HOATZ: variants seen among roughly 807,000 people sequenced by gnomAD.
The protein encoded by HOATZ is HOATZ cilia and flagella associated protein.
HOATZ carries 26 observed loss-of-function variants against 24.9 expected under a neutral mutation model. The ratio of observed to expected loss-of-function variants is 1.04; its 90% CI spans 0.76 to 1.45. HOATZ has a LOEUF of 1.45. Among genes scored for constraint, HOATZ ranks in the 40% most tolerant of loss-of-function variants. The pLI, the probability that HOATZ is intolerant of heterozygous loss-of-function variation, is 0.00. For missense variants in HOATZ, 226 were observed against 201.5 expected (o/e 1.12, Z -0.74); for synonymous variants, 83 against 76.6 (o/e 1.08, Z -0.43).
At chr11:111,526,265 T>C (rs1477832710) in intron 3 of HOATZ, among the ~76,000 whole-genome samples, 3 of 152,148 alleles carry the variant, frequency 2.0e-5, no homozygotes, top group Admixed American at 6.5e-5. Context: ...AATTGGGGAA[T>C]GAGAATATCA....
chr11:111,532,704 G>T (rs1456048840), intron 3 of HOATZ, among the ~76,000 whole-genome samples: 1 of 152,198 alleles, frequency 6.6e-6, no homozygotes, highest in Non-Finnish European at 1.5e-5. Context: ...GTGGTACTTT[G>T]TTACAGCAGC....
intron 5 of HOATZ, 25 bp from the exon 6 acceptor site, chr11:111,536,745 A>G: frequency 6.3e-7 from 1 of 1,589,048 alleles, no homozygotes; most frequent in Non-Finnish European, 8.6e-7. Context: ...TGTGTATTGG[A>G]ACTGACTGAT....
In HOATZ at chr11:111,536,862, T is replaced by C. The variant is rs773973495; in HGVS notation, c.*35T>C. On this transcript the variant is annotated 3_prime_UTR_variant, in exon 6 of 6. Coordinates refer to ENST00000375618, the MANE Select transcript of HOATZ (RefSeq NM_001100388.2). Reference sequence around the variant, plus strand: ...CACATGGCAGAGGATGGCTCACTTATACCTTCACTTTGGAAACAACCTTCT... The same window carrying C: ...CACATGGCAGAGGATGGCTCACTTACACCTTCACTTTGGAAACAACCTTCT... 5 of 1,561,388 alleles carry C rather than the reference T, an allele frequency of 3.2e-6. No homozygotes were observed. Among genetic ancestry groups the C allele is most frequent in the East Asian group, 4.5e-5 (2 of 44,584 alleles).
At chr11:111,532,929 T>G (rs1867409201) in intron 3 of HOATZ, among the ~76,000 whole-genome samples, 1 of 152,230 alleles carries the variant, frequency 6.6e-6, no homozygotes, top group African/African-American at 2.4e-5. Context: ...GATGTGATTT[T>G]CCGCCTGGCT....
chr11:111,514,953 C>G lies in HOATZ; in HGVS notation c.169C>G (p.Arg57Gly), dbSNP rs759636409. The change falls in exon 1 of 6, where the codon CGC (arginine) becomes GGC (glycine). Residue 57 changes from arginine to glycine, a missense_variant. Coordinates refer to ENST00000375618, the MANE Select transcript of HOATZ (RefSeq NM_001100388.2). The part of the protein sequence containing the change: ...YPPSESQLVL[R>G]RDSSQRLPVA... ...CCCTAGCGAATCTCAGCTGGTGCTG[C>G]GCAGAGACAGCAGTCAGCGTCTGCC... is the stretch of plus-strand genomic sequence containing the variant. 1 of 1,613,760 alleles carries G rather than the reference C, an allele frequency of 6.2e-7. No individual in the cohort carries two copies. Among genetic ancestry groups the G allele is most frequent in the African/African-American group, 1.3e-5 (1 of 74,890 alleles).
intron 5 of HOATZ, 185 bp from the exon 6 acceptor site, chr11:111,536,585 A>G (rs1867452841): frequency 1.9e-6 from 1 of 515,916 alleles, no homozygotes; most frequent in Admixed American, 3.1e-5. Flanking sequence ...CCTCCAAACC[A>G]CACTTCACAA....
At chr11:111,524,233 T>G (rs17662708) in intron 3 of HOATZ, among the ~76,000 whole-genome samples, 3,661 of 152,296 alleles carry the variant, frequency 0.024, 82 homozygotes, top group Middle Eastern at 0.085. Flanking sequence ...AACAGACATG[T>G]AGTCAGTTGA....
chr11:111,516,254 T>C (rs531293379), intron 3 of HOATZ, 144 bp downstream of exon 3: 210 of 547,848 alleles, frequency 3.8e-4, no homozygotes, highest in African/African-American at 3.7e-3. Flanking sequence ...AGAATTTTAA[T>C]TGAAAATTTA....
intron 3 of HOATZ, among the ~76,000 whole-genome samples, chr11:111,521,378 T>G (rs1334344496): frequency 6.6e-6 from 1 of 152,178 alleles, no homozygotes; most frequent in Non-Finnish European, 1.5e-5. Context: ...ATAAGTCAAC[T>G]TCAGAGAACC....
At chr11:111,533,888 C>A in intron 4 of HOATZ, 83 bp downstream of exon 4, 3 of 947,034 alleles carry the variant, frequency 3.2e-6, no homozygotes, top group African/African-American at 1.7e-5. Context: ...ATAGATTGAA[C>A]CCTTAAATCT....
intron 3 of HOATZ, among the ~76,000 whole-genome samples, chr11:111,528,975 T>C (rs1201740620): frequency 6.6e-6 from 1 of 152,206 alleles, no homozygotes; most frequent in Admixed American, 6.5e-5. Flanking sequence ...ATAAAAGTTG[T>C]TCATTTTTAC....
intron 3 of HOATZ, among the ~76,000 whole-genome samples, chr11:111,525,693 A>T (rs1392922857): frequency 6.6e-6 from 1 of 152,214 alleles, no homozygotes; most frequent in Non-Finnish European, 1.5e-5. Flanking sequence ...AGATGGGAGA[A>T]TTTTATTTGG....
chr11:111,533,869 A>T, intron 4 of HOATZ, 64 bp downstream of exon 4: 1 of 1,259,892 alleles, frequency 7.9e-7, no homozygotes, highest in Non-Finnish European at 1.1e-6. Context: ...CAAATTTTGC[A>T]GAGGTTTTAT....
chr11:111,515,077 G>A, intron 1 of HOATZ, 67 bp downstream of exon 1: 1 of 1,129,132 alleles, frequency 8.9e-7, no homozygotes. Context: ...AGGTACCAGA[G>A]CCCTTTCCAG....
intron 3 of HOATZ, 23 bp downstream of exon 3, chr11:111,516,133 C>T: frequency 7.4e-7 from 1 of 1,353,846 alleles, no homozygotes; most frequent in Non-Finnish European, 1.0e-6. Flanking sequence ...TTCAGAAGGT[C>T]ATCTGATCAT....
At chr11:111,523,469 G>A (rs1184997151) in intron 3 of HOATZ, among the ~76,000 whole-genome samples, 2 of 152,116 alleles carry the variant, frequency 1.3e-5, no homozygotes, top group African/African-American at 4.8e-5. Context: ...ATGACCAGCG[G>A]CTGGCAGGAA....
chr11:111,531,254 A>G (rs1472793527), intron 3 of HOATZ, among the ~76,000 whole-genome samples: 1 of 152,202 alleles, frequency 6.6e-6, no homozygotes, highest in Non-Finnish European at 1.5e-5. Flanking sequence ...TAGGCCAATA[A>G]CTGTGGATTA....
intron 5 of HOATZ, chr11:111,534,829 C>T (rs986322795): frequency 2.0e-5 from 4 of 197,878 alleles, no homozygotes; most frequent in East Asian, 1.3e-4. Context: ...TGAATCAGCA[C>T]GTGTTTGTGG....
At chr11:111,517,203 T>C (rs1392185396) in intron 3 of HOATZ, among the ~76,000 whole-genome samples, 1 of 152,210 alleles carries the variant, frequency 6.6e-6, no homozygotes, top group Admixed American at 6.5e-5. Flanking sequence ...ATAGCCAGCA[T>C]TTTATTCTCT....
Sources: gnomAD v4.1 joint callset for allele counts (sites outside exome capture counted in the v4.1 genomes callset) on GRCh38, gnomAD v4.1.1 for gene constraint, MANE v1.5 for transcripts, NCBI Gene and HGNC (gene_info 2026-07-23, HGNC 2026-07-21) for gene names.